SMARCA2: variants seen among roughly 807,000 people sequenced by gnomAD.
SMARCA2 encodes the protein SWI/SNF-related matrix-associated actin-dependent regulator of chromatin subfamily A member 2.
Under a neutral mutation model 199.8 loss-of-function variants are expected in SMARCA2, and 61 were observed. The ratio of observed to expected loss-of-function variants is 0.31; its 90% CI spans 0.25 to 0.38. The LOEUF is 0.38. SMARCA2 is among the 10% of genes least tolerant of loss of function. The pLI is 1.00. For synonymous variants in SMARCA2, 935 were observed against 732.0 expected, an observed-to-expected ratio of 1.28 and a Z score of -4.48; for missense variants, 1,344 against 2,012.2, an observed-to-expected ratio of 0.67 and a Z score of 6.35.
At chr9:2,165,341 A>G (rs746673377) in intron 28 of SMARCA2, among the ~76,000 whole-genome samples, 38 of 152,236 alleles carry the variant, frequency 2.5e-4, no homozygotes, top group Non-Finnish European at 4.9e-4. Context: ...TGATATTTTC[A>G]TAAAGAACTA....
Position 2,081,814 on chromosome 9 carries a change from A to G in SMARCA2, c.2185-18A>G, listed in dbSNP as rs1396498457. 2 of 1,610,936 alleles carry G rather than the reference A, an allele frequency of 1.2e-6. No individual in the cohort carries two copies. Among genetic ancestry groups the G allele is most frequent in the South Asian group, 2.2e-5 (2 of 90,860 alleles). On this transcript the variant is annotated intron_variant, in intron 14 of 33. Transcript: ENST00000349721. ...TGTGCAGATCTTGGATAATTGAAGC[A>G]ATTACTCTTCATTTCAGCTCCAGGG...
At chr9:2,070,309 G>C (rs1821034113) in intron 9 of SMARCA2, 109 bp from the exon 10 acceptor site, 1 of 857,220 alleles carries the variant, frequency 1.2e-6, no homozygotes, top group Admixed American at 2.0e-5. Context: ...AGCTGTGTTA[G>C]ATAATAATGG....
chr9:2,146,583 A>C (rs889592483), intron 27 of SMARCA2, among the ~76,000 whole-genome samples: 10 of 152,196 alleles, frequency 6.6e-5, no homozygotes, highest in Admixed American at 6.5e-4. Context: ...ATTTGAGGCA[A>C]ATCCATACAG....
At chr9:2,082,995 C>T (rs1018831160) in intron 15 of SMARCA2, among the ~76,000 whole-genome samples, 1 of 152,128 alleles carries the variant, frequency 6.6e-6, no homozygotes, top group Non-Finnish European at 1.5e-5. Flanking sequence ...TTTCCTGACT[C>T]ATCTTTTTTC....
intron 27 of SMARCA2, among the ~76,000 whole-genome samples, chr9:2,149,832 T>G (rs1485928677): frequency 4.6e-5 from 7 of 151,598 alleles, no homozygotes. Context: ...TAACCAAAAC[T>G]CAAAATTTTG....
chr9:2,151,028 A>G (rs916725317), intron 27 of SMARCA2, among the ~76,000 whole-genome samples: 5 of 151,630 alleles, frequency 3.3e-5, no homozygotes, highest in Admixed American at 1.3e-4. Context: ...TTTTAGAGGG[A>G]TGCAGTTCAG....
intron 27 of SMARCA2, among the ~76,000 whole-genome samples, chr9:2,145,212 A>G (rs1042010148): frequency 4.0e-5 from 6 of 151,802 alleles, no homozygotes; most frequent in African/African-American, 1.2e-4. Flanking sequence ...CTGAGGCAAG[A>G]GAATCATCCA....
chr9:2,174,694 G>A (rs1417188339), intron 29 of SMARCA2, among the ~76,000 whole-genome samples: 1 of 152,116 alleles, frequency 6.6e-6, no homozygotes, highest in Non-Finnish European at 1.5e-5. Flanking sequence ...GCCGAGGCAA[G>A]CGGATTGCTT....
At chr9:2,037,184 C>G (rs1034229337) in intron 3 of SMARCA2, among the ~76,000 whole-genome samples, 8 of 152,166 alleles carry the variant, frequency 5.3e-5, no homozygotes, top group African/African-American at 1.9e-4. Context: ...TGTAAGCCTT[C>G]TTAAAGAAGA....
intron 27 of SMARCA2, among the ~76,000 whole-genome samples, chr9:2,150,481 C>T (rs955478607): frequency 5.3e-5 from 8 of 151,570 alleles, no homozygotes; most frequent in East Asian, 1.9e-4. Context: ...AAGATGGCAG[C>T]GCAGGCAGCA....
intron 28 of SMARCA2, among the ~76,000 whole-genome samples, chr9:2,168,107 G>C (rs941404232): frequency 6.6e-6 from 1 of 151,198 alleles, no homozygotes; most frequent in East Asian, 1.9e-4. Flanking sequence ...TGCCTCCCGG[G>C]TTCAAGCAAT....
At chr9:2,066,969 A>G (rs775960185) in intron 9 of SMARCA2, among the ~76,000 whole-genome samples, 4 of 152,220 alleles carry the variant, frequency 2.6e-5, no homozygotes, top group Non-Finnish European at 5.9e-5. Context: ...TTTGAGACAC[A>G]GCATGAAGTT....
At chr9:2,131,241 T>A (rs1366802684) in intron 27 of SMARCA2, among the ~76,000 whole-genome samples, 2 of 152,232 alleles carry the variant, frequency 1.3e-5, no homozygotes, top group Admixed American at 1.3e-4. Flanking sequence ...CTTGTAATTT[T>A]AAAAAGTTTC....
At chr9:2,118,065 A>C (rs1033508380) in intron 25 of SMARCA2, among the ~76,000 whole-genome samples, 2 of 152,120 alleles carry the variant, frequency 1.3e-5, no homozygotes, top group African/African-American at 4.8e-5. Context: ...TTACAAGAGA[A>C]TCTTTTCATC....
At chr9:2,157,942 C>A in intron 27 of SMARCA2, 2 of 398,188 alleles carry the variant, frequency 5.0e-6, no homozygotes, top group Non-Finnish European at 8.9e-6. Context: ...GGCTGCTTCC[C>A]GGGTCTGCCA....
chr9:2,176,330 C>T (rs1826601884), intron 29 of SMARCA2, among the ~76,000 whole-genome samples: 1 of 151,720 alleles, frequency 6.6e-6, no homozygotes, highest in African/African-American at 2.4e-5. Flanking sequence ...TTAAGTAATC[C>T]TGTCATGAAC....
intron 5 of SMARCA2, among the ~76,000 whole-genome samples, chr9:2,049,116 T>C (rs908627198): frequency 6.6e-6 from 1 of 152,196 alleles, no homozygotes; most frequent in Admixed American, 6.5e-5. Context: ...TGTTAAACTA[T>C]GTGAACTACC....
intron 32 of SMARCA2, among the ~76,000 whole-genome samples, chr9:2,186,548 G>C (rs1003738229): frequency 6.6e-6 from 1 of 152,062 alleles, no homozygotes; most frequent in Non-Finnish European, 1.5e-5. Flanking sequence ...ACCCAGGCCG[G>C]AGTGCAGTGG....
intron 27 of SMARCA2, among the ~76,000 whole-genome samples, chr9:2,145,966 AG>A (rs2130702532): frequency 6.6e-6 from 1 of 152,360 alleles, no homozygotes; most frequent in Non-Finnish European, 1.5e-5. Context: ...GTAATCACAA[AG>A]GTGGGAATAA....
Sources: gnomAD v4.1 joint callset for allele counts (sites outside exome capture counted in the v4.1 genomes callset) on GRCh38, gnomAD v4.1.1 for gene constraint, MANE v1.5 for transcripts, NCBI Gene and HGNC (gene_info 2026-07-23, HGNC 2026-07-21) for gene names.